Variants in SETX observed in about 807,000 individuals in gnomAD.
SETX encodes senataxin.
SETX carries 90 observed loss-of-function variants against 227.2 expected under a neutral mutation model. The ratio of observed to expected loss-of-function variants is 0.40; its 90% CI spans 0.33 to 0.47. The LOEUF is 0.47. Among genes scored for constraint, SETX ranks in the 20% least tolerant of loss-of-function variants. The pLI, the probability that SETX is intolerant of heterozygous loss-of-function variation, is 0.91. For missense variants in SETX, 3,052 were observed against 3,181.5 expected (o/e 0.96, Z 0.98); for synonymous variants, 1,210 against 1,113.2 (o/e 1.09, Z -1.73).
chr9:132,311,994 C>G, intron 10 of SETX, 138 bp from the exon 11 acceptor site: 2 of 704,478 alleles, frequency 2.8e-6, no homozygotes, highest in Non-Finnish European at 5.1e-6. Flanking sequence ...TGATTCACGG[C>G]AGGTTAATAC....
At chr9:132,291,479 A>G (rs1844303372) in intron 15 of SETX, among the ~76,000 whole-genome samples, 1 of 152,018 alleles carries the variant, frequency 6.6e-6, no homozygotes, top group South Asian at 2.1e-4. Flanking sequence ...AAATTTCTTA[A>G]TTCACTTACG....
chr9:132,324,930 T>C (rs984758321), intron 10 of SETX, among the ~76,000 whole-genome samples: 23 of 152,322 alleles, frequency 1.5e-4, no homozygotes, highest in Middle Eastern at 6.8e-3. Context: ...TAAAGAATTA[T>C]TTGATGTTTT....
chr9:132,314,249 C>T (rs768916490), intron 10 of SETX, among the ~76,000 whole-genome samples: 5 of 152,134 alleles, frequency 3.3e-5, no homozygotes, highest in Non-Finnish European at 5.9e-5. Context: ...CCCACCACCA[C>T]GCCTGGCTAA....
intron 6 of SETX, among the ~76,000 whole-genome samples, chr9:132,335,797 A>C (rs111418902): frequency 1.3e-5 from 2 of 152,328 alleles, no homozygotes; most frequent in African/African-American, 4.8e-5. Context: ...TTACTACAGA[A>C]AAGTTTCTAG....
At chr9:132,311,675 A>G (rs1352498684) in intron 11 of SETX, 82 bp downstream of exon 11, 2 of 1,037,644 alleles carry the variant, frequency 1.9e-6, no homozygotes, top group South Asian at 1.4e-5. Flanking sequence ...GTCCCCCTAA[A>G]TTCAAATAAT....
chr9:132,284,700 C>CA (rs1290203882), intron 18 of SETX, among the ~76,000 whole-genome samples: 2 of 152,172 alleles, frequency 1.3e-5, no homozygotes. Context: ...CCAAGAATTG[C>CA]AAAAAACAAA....
At chr9:132,283,898 C>A (rs1342285221) in intron 18 of SETX, among the ~76,000 whole-genome samples, 1 of 152,124 alleles carries the variant, frequency 6.6e-6, no homozygotes, top group Non-Finnish European at 1.5e-5. Flanking sequence ...CCTGACAAAT[C>A]CTCTATTTCC....
rs761725435 is a variant in SETX, at chr9:132,346,375, T to C, written c.274A>G (p.Asn92Asp). The C allele has an allele frequency of 3.7e-6, 6 of 1,613,772 alleles. No homozygotes were observed. The highest frequency in any genetic ancestry group is 2.7e-5 in the African/African-American group (2 of 74,944). ...GDDDELYIVD[N>D]NGEMPLFDIT... The stretch of plus-strand genomic sequence containing the variant: ...TCAAACAGTGGCATCTCTCCATTAT[T>C]GTCTACTATATATAACTCATCATCA... The change falls in exon 4 of 26, where the codon AAT (asparagine) becomes GAT (aspartate). Residue 92 changes from asparagine (N) to aspartate (D), a missense_variant. Asn to Asp is a conservative substitution (Grantham distance 23). This residue lies in a region of SETX where 152 missense variants were observed against 156.2 expected (regional missense o/e 0.97). Transcript: ENST00000224140.
chr9:132,288,735 T>A, intron 15 of SETX, 84 bp from the exon 16 acceptor site: 1 of 898,164 alleles, frequency 1.1e-6, no homozygotes, highest in Non-Finnish European at 1.8e-6. Flanking sequence ...TATTTCTAAG[T>A]AAATATGTTA....
chr9:132,335,720 ATT>A (rs1340256538), intron 6 of SETX, among the ~76,000 whole-genome samples: 3 of 152,204 alleles, frequency 2.0e-5, no homozygotes, highest in Middle Eastern at 6.3e-3. Context: ...TTACACTAAT[ATT>A]TTGTTAATAA....
intron 10 of SETX, among the ~76,000 whole-genome samples, chr9:132,324,395 T>G (rs768909838): frequency 6.6e-6 from 1 of 152,134 alleles, no homozygotes; most frequent in Non-Finnish European, 1.5e-5. Flanking sequence ...CCATGTACAG[T>G]GTTAACAACT....
At chr9:132,299,774 A>G (rs1844878565) in intron 12 of SETX, among the ~76,000 whole-genome samples, 1 of 152,138 alleles carries the variant, frequency 6.6e-6, no homozygotes, top group Admixed American at 6.5e-5. Context: ...TCCCTGAACC[A>G]TGATTTCCTG....
intron 12 of SETX, 120 bp from the exon 13 acceptor site, chr9:132,298,432 C>T: frequency 1.1e-6 from 1 of 879,842 alleles, no homozygotes; most frequent in Non-Finnish European, 1.8e-6. Flanking sequence ...ACATAATTTA[C>T]CCAGTAAATA....
intron 24 of SETX, among the ~76,000 whole-genome samples, chr9:132,271,327 G>C (rs936835289): frequency 2.6e-5 from 4 of 152,238 alleles, no homozygotes; most frequent in Non-Finnish European, 4.4e-5. Context: ...ATTTTGGGAG[G>C]CCAAAGTGGG....
intron 2 of SETX, among the ~76,000 whole-genome samples, chr9:132,351,109 G>A (rs1057127163): frequency 6.6e-6 from 1 of 152,146 alleles, no homozygotes; most frequent in African/African-American, 2.4e-5. Context: ...ATACCTAAGA[G>A]GCCAACATCA....
chr9:132,302,682 A>AAC (rs1845080802), intron 11 of SETX, among the ~76,000 whole-genome samples: 3 of 62,600 alleles, frequency 4.8e-5, no homozygotes, highest in African/African-American at 3.2e-4. Flanking sequence ...AAAAAAAAGC[A>AAC]AAAAAAAAAA....
rs1847056071 is a variant in SETX at position 132,329,172 on chromosome 9, A to G, written c.2426T>C (p.Ile809Thr). The G allele has an allele frequency of 1.9e-6, 3 of 1,612,666 alleles. No individual in the cohort carries two copies. Among genetic ancestry groups the G allele is most frequent in the Admixed American group, 3.3e-5 (2 of 59,898 alleles). ...TACAGTCAAATTTTCATCTAAATTG[A>G]TAGTATTATCGACCAAAGTACTCTT... ...HRKSTLVDNT[I>T]NLDENLTVSN... is the part of the protein sequence containing the mutation. The change falls in exon 10 of 26, where the codon ATC becomes ACC. Residue 809 changes from isoleucine to threonine, a missense_variant. Transcript: ENST00000224140.
chr9:132,278,030 C>A lies in SETX; in HGVS notation c.6842+40G>T, dbSNP rs748994565. The A allele has an allele frequency of 6.3e-6, 10 of 1,578,602 alleles. No homozygotes were observed. The Admixed American group carries it at 1.5e-4, about 24-fold the overall frequency. ...TGTCTATTCTTCATAAGTAGCTAAA[C>A]TACAACAAAATAAGGTCACAAACAA... On this transcript the variant is annotated intron_variant, in intron 21 of 25. Transcript: ENST00000224140.
At chr9:132,342,032 CCATG>C (rs1848006859) in intron 5 of SETX, among the ~76,000 whole-genome samples, 1 of 152,044 alleles carries the variant, frequency 6.6e-6, no homozygotes, top group Non-Finnish European at 1.5e-5. Flanking sequence ...AATCCCATTA[CCATG>C]CTTTTTTTAA....
Sources: gnomAD v4.1 joint callset for allele counts (sites outside exome capture counted in the v4.1 genomes callset) on GRCh38, gnomAD v4.1.1 for gene constraint, gnomAD v4.1.1 regional missense constraint, MANE v1.5 for transcripts, NCBI Gene and HGNC (gene_info 2026-07-23, HGNC 2026-07-21) for gene names.